Variants in SI observed in about 807,000 individuals in gnomAD.
SI encodes the protein sucrase-isomaltase, also known as sucrase-isomaltase, intestinal.
In SI, 235 loss-of-function variants were observed where a neutral mutation model predicts 253.3. The ratio of observed to expected loss-of-function variants is 0.93; its 90% CI spans 0.83 to 1.03. The LOEUF (loss-of-function observed/expected upper bound fraction) is 1.03, where lower values mean the gene tolerates loss of function less well. Ranked by LOEUF, SI falls within the 50% of genes least tolerant of loss-of-function variation. SI has a pLI of 0.00. For missense variants in SI, 2,442 were observed against 2,211.1 expected (o/e 1.10, Z -2.09); for synonymous variants, 819 against 712.0 (o/e 1.15, Z -2.39).
intron 37 of SI, among the ~76,000 whole-genome samples, chr3:165,000,954 T>G (rs2108143652): frequency 6.6e-6 from 1 of 151,336 alleles, no homozygotes; most frequent in Non-Finnish European, 1.5e-5. Context: ...GAATATATCT[T>G]CAATTATTAT....
At chr3:165,032,264 A>G (rs1712287969) in intron 24 of SI, among the ~76,000 whole-genome samples, 1 of 151,230 alleles carries the variant, frequency 6.6e-6, no homozygotes, top group African/African-American at 2.4e-5. Context: ...ATATAATTAG[A>G]ATGCATGAGA....
At chr3:165,009,211 A>C in intron 35 of SI, 68 bp downstream of exon 35, 1 of 1,009,480 alleles carries the variant, frequency 9.9e-7, no homozygotes, top group Non-Finnish European at 1.6e-6. Flanking sequence ...ATTTGAGCCA[A>C]GTACTAATTT....
rs1712798131 is a variant in SI, at chr3:165,040,981, G to A, written c.2118C>T (p.Ala706=). Residue 706 remains alanine (A), a synonymous_variant, in exon 18 of 48, where the codon GCC becomes GCT. Coordinates refer to ENST00000264382, the MANE Select transcript of SI (RefSeq NM_001041.4). ...LPFLYTLFYK[A]HVFGETVARP... is the part of the protein sequence containing the mutation. The stretch of plus-strand genomic sequence containing the variant: ...TTGCTACTGTTTCTCCAAACACATG[G>A]GCTTTATAAAACAGAGTGTAGAGGA... 6.2e-7 allele frequency: 1 copy of A among 1,612,170 alleles called. No homozygotes were observed. The highest frequency in any genetic ancestry group is 8.5e-7 in the Non-Finnish European group (1 of 1,178,616).
At chr3:165,039,271 T>C (rs926310481) in intron 19 of SI, 137 bp from the exon 20 acceptor site, 95 of 623,874 alleles carry the variant, frequency 1.5e-4, no homozygotes, top group Non-Finnish European at 1.5e-4. Context: ...TAGATAATAA[T>C]CAAAGGGCTA....
At chr3:164,985,424 G>A (rs1717390223) in intron 45 of SI, among the ~76,000 whole-genome samples, 1 of 152,210 alleles carries the variant, frequency 6.6e-6, no homozygotes, top group Non-Finnish European at 1.5e-5. Context: ...ACTAACTTGT[G>A]TTGATATCTT....
intron 34 of SI, among the ~76,000 whole-genome samples, chr3:165,012,425 T>C (rs889267380): frequency 6.6e-6 from 1 of 152,006 alleles, no homozygotes; most frequent in African/African-American, 2.4e-5. Flanking sequence ...TTTTTGTCGT[T>C]GTTGTTTTGT....
chr3:165,007,411 T>C (rs952496140), intron 36 of SI, among the ~76,000 whole-genome samples: 1 of 152,070 alleles, frequency 6.6e-6, no homozygotes, highest in Non-Finnish European at 1.5e-5. Flanking sequence ...TGATGATGAA[T>C]ATGAAACATC....
intron 41 of SI, 100 bp from the exon 42 acceptor site, chr3:164,992,497 G>T: frequency 3.7e-6 from 3 of 819,240 alleles, no homozygotes; most frequent in Non-Finnish European, 5.8e-6. Flanking sequence ...ATGGACTTTT[G>T]TGGATTAAAA....
chr3:165,028,464 A>C (rs1712041193), intron 25 of SI, among the ~76,000 whole-genome samples: 2 of 151,520 alleles, frequency 1.3e-5, no homozygotes, highest in African/African-American at 4.8e-5. Flanking sequence ...GGAACCAAAA[A>C]AGACCATGCA....
At chr3:165,012,199 A>G (rs910408784) in intron 34 of SI, among the ~76,000 whole-genome samples, 1 of 152,188 alleles carries the variant, frequency 6.6e-6, no homozygotes, top group African/African-American at 2.4e-5. Flanking sequence ...AGTTAAACTC[A>G]TAAAAGCATA....
Position 164,982,981 on chromosome 3 carries a change from C to T in SI, c.5247+21G>A, listed in dbSNP as rs1717265123. On this transcript the variant is annotated intron_variant, in intron 46 of 47. Transcript: ENST00000264382. ...CTTCAAATATTCCTTAACAGAATTG[C>T]ATATAAATAATCTTACATACCTGGT... The T allele has an allele frequency of 1.9e-6, 3 of 1,549,372 alleles. No homozygotes were observed. The African/African-American group carries it at 4.1e-5, about 21-fold the overall frequency.
chr3:165,070,244 T>C (rs1198857149), intron 3 of SI, among the ~76,000 whole-genome samples: 1 of 143,506 alleles, frequency 7.0e-6, no homozygotes, highest in Non-Finnish European at 1.5e-5. Context: ...ATACACATAG[T>C]TTTATTTTTA....
the SI span, among the ~76,000 whole-genome samples, chr3:165,084,217 G>A: frequency 1.3e-5 from 2 of 152,024 alleles, no homozygotes; most frequent in Admixed American, 1.3e-4. Context: ...CCAAGGATAT[G>A]GGTCCTTACC....
At chr3:165,042,092 T>G (rs1409939666) in intron 17 of SI, among the ~76,000 whole-genome samples, 1 of 152,180 alleles carries the variant, frequency 6.6e-6, no homozygotes. Context: ...ACTCCCTTTG[T>G]CATTCACATT....
At chr3:165,089,140 G>A in the SI span, among the ~76,000 whole-genome samples, 4 of 145,232 alleles carry the variant, frequency 2.8e-5, no homozygotes, top group South Asian at 2.2e-4. Flanking sequence ...ACATTGTTAT[G>A]GCTGTCTTTA....
intron 35 of SI, among the ~76,000 whole-genome samples, chr3:165,008,799 T>G (rs1233507122): frequency 6.6e-6 from 1 of 151,928 alleles, no homozygotes; most frequent in Non-Finnish European, 1.5e-5. Context: ...TTTTCTGTAT[T>G]AAGCATTTAC....
At position 165,015,875 on chromosome 3, in the gene SI, T is replaced by C. The variant is rs1718997156; in HGVS notation, c.3888+77A>G. 3 of 1,281,706 alleles carry C rather than the reference T, an allele frequency of 2.3e-6. No homozygotes were observed. The East Asian group carries it at 7.0e-5, about 30-fold the overall frequency. 79.4% of individuals were successfully genotyped at this position (1,281,706 alleles called of 1,614,324 possible). On this transcript the variant is annotated intron_variant, in intron 32 of 47. Transcript: ENST00000264382. ...GTTATATACTTTCTATTTTGAAACATCTTCCCCCCCACCTGCTCATTTTAG... is the reference window on the plus strand; with the variant it reads ...GTTATATACTTTCTATTTTGAAACACCTTCCCCCCCACCTGCTCATTTTAG...
intron 37 of SI, among the ~76,000 whole-genome samples, chr3:165,005,256 G>A (rs1000095710): frequency 1.3e-5 from 2 of 150,700 alleles, no homozygotes; most frequent in Non-Finnish European, 3.0e-5. Flanking sequence ...TATATATATA[G>A]TTAGAAAGAA....
At chr3:165,024,768 C>A (rs910517435) in intron 25 of SI, among the ~76,000 whole-genome samples, 3 of 151,168 alleles carry the variant, frequency 2.0e-5, no homozygotes, top group African/African-American at 7.3e-5. Context: ...TCAGTAACTT[C>A]TCTGACTACT....
Sources: allele counts gnomAD v4.1 joint callset (sites outside exome capture counted in the v4.1 genomes callset), GRCh38; gene constraint gnomAD v4.1.1; transcripts MANE v1.5; gene names NCBI Gene and HGNC (gene_info 2026-07-23, HGNC 2026-07-21).